PLEC: variants seen among roughly 807,000 people sequenced by gnomAD.
PLEC encodes the protein hemidesmosomal protein 1.
A neutral mutation model predicts 392.8 loss-of-function variants in PLEC; 216 were observed. That is an observed-to-expected ratio of 0.55 (90% CI 0.49 to 0.62). The LOEUF (loss-of-function observed/expected upper bound fraction) is 0.62. Ranked by LOEUF, PLEC falls within the 20% of genes least tolerant of loss-of-function variation. The probability of loss-of-function intolerance (pLI) is 0.00; values close to 1 mark genes in which losing one functional copy is unlikely to be tolerated. For synonymous variants in PLEC, 3,621 were observed against 2,980.6 expected, an observed-to-expected ratio of 1.21 and a Z score of -7.00; for missense variants, 6,863 against 6,563.4, an observed-to-expected ratio of 1.05 and a Z score of -1.58.
rs1026661718 is a variant in PLEC, at chr8:143,922,884, C to T, written c.7045G>A (p.Asp2349Asn). The change falls in exon 31 of 32, where the codon GAC becomes AAC. Residue 2349 changes from aspartate to asparagine, a missense_variant. Coordinates refer to ENST00000345136, the MANE Select transcript of PLEC (RefSeq NM_201384.3). ...AGCTGCTGCGCCATCTGCTCCTTGTCCTCCTGCAGCCGCCGCGCCTGCTCC... is the reference window on the plus strand; with the variant it reads ...AGCTGCTGCGCCATCTGCTCCTTGTTCTCCTGCAGCCGCCGCGCCTGCTCC... The part of the protein sequence containing the change: ...AQEQARRLQE[D>N]KEQMAQQLAE... 5.1e-6 allele frequency: 8 copies of T among 1,582,504 alleles called. No homozygotes were observed. Among genetic ancestry groups the T allele is most frequent in the Admixed American group, 1.8e-5 (1 of 55,502 alleles).
At position 143,969,200 on chromosome 8, in the gene PLEC, G is replaced by A. The variant is rs1168487544; in HGVS notation, c.70+4203C>T. Among the ~76,000 whole-genome samples the A allele has an allele frequency of 4.6e-5, 7 of 152,222 alleles. No individual in the cohort carries two copies. The highest frequency in any genetic ancestry group is 9.6e-5 in the African/African-American group (4 of 41,456). ...GGGGGGAGGGTGAGGTGCTGATGGCGCGGCGATGTGAGCAGCCCTGACAGC... is the reference window on the plus strand; with the variant it reads ...GGGGGGAGGGTGAGGTGCTGATGGCACGGCGATGTGAGCAGCCCTGACAGC... On this transcript the variant is annotated intron_variant, in intron 1 of 31. Transcript: ENST00000356346. This position sits in a 1 kb window ranked among gnomAD's most constrained non-coding sequence, Gnocchi z 5.1.
chr8:143,925,230 G>T lies in PLEC; in HGVS notation c.4699C>A (p.Leu1567Met), dbSNP rs782138886. The T allele has an allele frequency of 6.3e-7, 1 of 1,588,948 alleles. No individual in the cohort carries two copies. Among genetic ancestry groups the T allele is most frequent in the East Asian group, 2.3e-5 (1 of 44,356 alleles). Reference protein sequence around the residue: ...VERARQVQVALETAQRSAEAE... With the variant: ...VERARQVQVAMETAQRSAEAE... ...TCTGCACTGCGCTGCGCCGTCTCCA[G>T]GGCCACCTGTACCTGCCGCGCTCGC... is the stretch of plus-strand genomic sequence containing the variant. The change falls in exon 31 of 32, where the codon CTG becomes ATG. Residue 1567 changes from leucine to methionine, a missense_variant. Transcript: ENST00000345136.
upstream of PLEC, chr8:143,943,722 A>G: frequency 6.7e-7 from 1 of 1,499,192 alleles, no homozygotes; most frequent in Non-Finnish European, 9.1e-7. Flanking sequence ...AAGGGGCGGG[A>G]GGCAGGCGGC....
At position 143,927,935 on chromosome 8, in the gene PLEC, C is replaced by T. The variant is rs1825832226; in HGVS notation, c.3318G>A (p.Arg1106=). 1.1e-5 allele frequency: 17 copies of T among 1,602,628 alleles called. No homozygotes were observed. The highest frequency in any genetic ancestry group is 1.4e-5 in the Non-Finnish European group (17 of 1,175,032). The change falls in exon 26 of 32, where the codon AGG becomes AGA. Residue 1106 remains arginine (R), a synonymous_variant. Coordinates refer to ENST00000345136, the MANE Select transcript of PLEC (RefSeq NM_201384.3). ...RGTQGAEEVL[R]AHEEQLKEAQ... ...CCTCCTTGAGCTGCTCCTCGTGGGC[C>T]CTGAGCACCTCCTCGGCCCCCTGCG... is the stretch of plus-strand genomic sequence containing the variant.
chr8:143,926,852 G>C lies in PLEC; in HGVS notation c.3976C>G (p.Leu1326Val), dbSNP rs1825365248. Residue 1326 changes from leucine (L) to valine (V), a missense_variant, in exon 30 of 32, where the codon CTG becomes GTG. Transcript: ENST00000345136. ...ATGTACTGGCTCGTCAGTGTGGTCA[G>C]CTCGCTGTAGTGCGTACGCAGGTCC... ...YVDLRTHYSE[L>V]TTLTSQYIKF... 8 of 1,613,514 alleles carry C rather than the reference G, an allele frequency of 5.0e-6. No homozygotes were observed. The East Asian group carries it at 1.8e-4, about 36-fold the overall frequency.
rs782495077 is a variant in PLEC at position 143,919,604 on chromosome 8, C to T, written c.10217G>A (p.Arg3406His). 54 of 1,590,262 alleles carry T rather than the reference C, an allele frequency of 3.4e-5. No homozygotes were observed. Among genetic ancestry groups the T allele is most frequent in the Middle Eastern group, 1.7e-4 (1 of 5,958 alleles). The change falls in exon 32 of 32, where the codon CGC becomes CAC. Residue 3406 changes from arginine to histidine, a missense_variant. Physicochemically the swap from Arg to His is conservative, Grantham distance 29 (BLOSUM62 0). Coordinates refer to ENST00000345136, the MANE Select transcript of PLEC (RefSeq NM_201384.3). ...GFLVDPVRNQ[R>H]LYVHEAVKAG... The stretch of plus-strand genomic sequence containing the variant: ...CTTCACGGCCTCGTGGACATACAGG[C>T]GCTGGTTCCGCACGGGGTCCACCAG...
Position 143,930,261 on chromosome 8 carries a change from C to T in PLEC, c.2495G>A (p.Gly832Asp), listed in dbSNP as rs782683418. 3.1e-6 allele frequency: 5 copies of T among 1,600,908 alleles called. No homozygotes were observed. In the East Asian group the frequency reaches 9.0e-5, roughly 29 times the overall value. ...CTTCCAGTGGGACGGCTGTGCAGGG[C>T]CCACCAGCTGGCACTCGTCACCCTT... is the stretch of plus-strand genomic sequence containing the variant. ...VHKGDECQLV[G>D]PAQPSHWKVL... Residue 832 changes from glycine to aspartate, a missense_variant, in exon 21 of 32, where the codon GGC becomes GAC. Coordinates refer to ENST00000345136, the MANE Select transcript of PLEC (RefSeq NM_201384.3).
At chr8:143,953,706 G>GCCCGGC (rs782154786), upstream of PLEC, 33 of 1,607,816 alleles carry the variant, frequency 2.1e-5, no homozygotes, top group Non-Finnish European at 2.7e-5. Context: ...CCCGGCTCGG[G>GCCCGGC]CCCGGCCCCA....
At chr8:143,925,943 T>C (rs1554704667) in intron 30 of PLEC, 59 bp from the exon 31 acceptor site, 8 of 1,499,494 alleles carry the variant, frequency 5.3e-6, no homozygotes. Context: ...GGGCAGGCGC[T>C]GACGGGGCAC....
In PLEC at chr8:143,929,100, C is replaced by G; in HGVS notation, c.3260+3G>C. 1 of 1,569,124 alleles carries G rather than the reference C, an allele frequency of 6.4e-7. No homozygotes were observed. The highest frequency in any genetic ancestry group is 8.6e-7 in the Non-Finnish European group (1 of 1,157,612). On this transcript the variant is annotated splice_donor_region_variant and intron_variant, in intron 25 of 31. Transcript: ENST00000345136. ...CCCCTCGCCTGTGGCCAGGTGCACT[C>G]ACTTCTCCAGGTAGATGGCAGACAG...
At position 143,919,995 on chromosome 8, in the gene PLEC, T is replaced by C; in HGVS notation, c.9826A>G (p.Thr3276Ala). 1 of 1,613,268 alleles carries C rather than the reference T, an allele frequency of 6.2e-7. No individual in the cohort carries two copies. Among genetic ancestry groups the C allele is most frequent in the Non-Finnish European group, 8.5e-7 (1 of 1,180,032 alleles). The change falls in exon 32 of 32, where the codon ACG (threonine) becomes GCG (alanine). Residue 3276 changes from threonine to alanine, a missense_variant. Coordinates refer to ENST00000345136, the MANE Select transcript of PLEC (RefSeq NM_201384.3). ...QRQELLRQFR[T>A]GKVTVEKVIK... ...ACCTTCTCCACGGTGACCTTGCCCGTGCGGAACTGACGCAACAGCTCCTGC... is the reference window on the plus strand; with the variant it reads ...ACCTTCTCCACGGTGACCTTGCCCGCGCGGAACTGACGCAACAGCTCCTGC...
upstream of PLEC, chr8:143,942,496 G>GCGC: frequency 6.3e-7 from 1 of 1,584,964 alleles, no homozygotes; most frequent in African/African-American, 1.3e-5. Context: ...CGAGGCAAAG[G>GCGC]CGCCCCCCGC....
chr8:143,955,252 G>A (rs1832527674), upstream of PLEC, among the ~76,000 whole-genome samples: 2 of 152,288 alleles, frequency 1.3e-5, no homozygotes, highest in African/African-American at 4.8e-5. Flanking sequence ...CGAGGCAGGT[G>A]GACCACTTGA....
chr8:143,923,759 G>A lies in PLEC; in HGVS notation c.6170C>T (p.Ala2057Val), dbSNP rs7002002. ...TAGCTCCTGCTCCTTCTGCTGCACC[G>A]CGAAGGCGTGTGCCTTCTCTTCCGC... ...LQAEEKAHAFAVQQKEQELQQ... is the reference protein window; with the variant it reads ...LQAEEKAHAFVVQQKEQELQQ... The change falls in exon 31 of 32, where the codon GCG becomes GTG. Residue 2057 changes from alanine to valine, a missense_variant. Coordinates refer to ENST00000345136, the MANE Select transcript of PLEC (RefSeq NM_201384.3). The A allele has an allele frequency of 0.39, 604,990 of 1,556,772 alleles. 123,808 individuals are homozygous for A. Among genetic ancestry groups the A allele is most frequent in the Non-Finnish European group, 0.42 (488,659 of 1,158,530 alleles).
Position 143,925,397 on chromosome 8 carries a change from C to T in PLEC, c.4532G>A (p.Arg1511Gln), listed in dbSNP as rs375947559. The change falls in exon 31 of 32, where the codon CGG becomes CAG. Residue 1511 changes from arginine to glutamine, a missense_variant. By Grantham distance (43) the Arg-to-Gln change is conservative. Coordinates refer to ENST00000345136, the MANE Select transcript of PLEC (RefSeq NM_201384.3). ...RQVQDESQRKRQAEVELASRV... is the reference protein window; with the variant it reads ...RQVQDESQRKQQAEVELASRV... The stretch of plus-strand genomic sequence containing the variant: ...CGAGGCCAGCTCCACCTCCGCCTGC[C>T]GCTTACGCTGGCTCTCGTCCTGCAC... 29 of 1,586,458 alleles carry T rather than the reference C, an allele frequency of 1.8e-5. No homozygotes were observed. Among genetic ancestry groups the T allele is most frequent in the Admixed American group, 6.8e-5 (4 of 58,842 alleles).
At position 143,927,978 on chromosome 8, in the gene PLEC, C is replaced by G. The variant is rs782658183; in HGVS notation, c.3275G>C (p.Ser1092Thr). 1.9e-6 allele frequency: 3 copies of G among 1,599,630 alleles called. No individual in the cohort carries two copies. The highest frequency in any genetic ancestry group is 2.6e-6 in the Non-Finnish European group (3 of 1,169,894). Residue 1092 changes from serine to threonine, a missense_variant, in exon 26 of 32, where the codon AGC (serine) becomes ACC (threonine). Ser to Thr is a moderately conservative substitution (Grantham distance 58). Transcript: ENST00000345136. ...AIYLEKLKTI[S>T]LVIRGTQGAE... Reference sequence around the variant, plus strand: ...CCCCTGCGTGCCGCGGATCACCAGGCTGATGGTCTTGAGCCTGGCGGGAAA... The same window carrying G: ...CCCCTGCGTGCCGCGGATCACCAGGGTGATGGTCTTGAGCCTGGCGGGAAA...
At chr8:143,954,601 C>A (rs1160408815), upstream of PLEC, among the ~76,000 whole-genome samples, 1 of 152,260 alleles carries the variant, frequency 6.6e-6, no homozygotes, top group African/African-American at 2.4e-5. The surrounding 1 kb of genome is among the most constrained non-coding windows in gnomAD (Gnocchi z 4.6). Context: ...GATCCAACCA[C>A]CCCTATGGCT....
intron 3 of PLEC, chr8:143,937,603 G>T (rs1443790144): frequency 9.9e-6 from 5 of 503,288 alleles, no homozygotes; most frequent in East Asian, 4.7e-5. Context: ...TGGGCAGCAC[G>T]GTGGACGGGC....
upstream of PLEC, chr8:143,944,062 C>T: frequency 3.4e-6 from 3 of 895,248 alleles, 1 homozygote; most frequent in South Asian, 5.3e-5. Flanking sequence ...ACAGCTCCCG[C>T]CCGCCTCCTC....
Sources: allele counts gnomAD v4.1 joint callset (sites outside exome capture counted in the v4.1 genomes callset), GRCh38; gene constraint gnomAD v4.1.1; non-coding constraint Gnocchi (gnomAD v3.1); transcripts MANE v1.5; gene names NCBI Gene and HGNC (gene_info 2026-07-23, HGNC 2026-07-21).